Variants in COL11A1 observed in about 807,000 individuals in gnomAD.
COL11A1 encodes the protein collagen type XI alpha 1 chain.
COL11A1 carries 74 observed loss-of-function variants against 265.2 expected under a neutral mutation model. The observed-to-expected ratio is 0.28, with a 90% confidence interval of 0.23 to 0.34. The LOEUF is 0.34. Ranked by LOEUF, COL11A1 falls within the 10% of genes least tolerant of loss-of-function variation. COL11A1 has a pLI of 1.00. For synonymous variants in COL11A1, 816 were observed against 727.6 expected, an observed-to-expected ratio of 1.12 and a Z score of -1.96; for missense variants, 2,165 against 2,263.6, an observed-to-expected ratio of 0.96 and a Z score of 0.88.
Position 102,943,902 on chromosome 1 carries a change from A to G in COL11A1, c.3276+2947T>C, listed in dbSNP as rs186936500. ...TCTGTAATCTTTGCATCCAGTAACT[A>G]ATAGTTTTCATTAGAATCAGTTTCC... On this transcript the variant is annotated intron_variant, in intron 42 of 66. Coordinates refer to ENST00000370096, the MANE Select transcript of COL11A1 (RefSeq NM_001854.4). Among the ~76,000 whole-genome samples, 8 of 152,240 alleles carry G rather than the reference A, an allele frequency of 5.3e-5. No homozygotes were observed. In the East Asian group the frequency reaches 1.2e-3, roughly 22 times the overall value.
intron 1 of COL11A1, among the ~76,000 whole-genome samples, chr1:103,088,881 A>G (rs973593208): frequency 2.6e-5 from 4 of 151,934 alleles, no homozygotes; most frequent in African/African-American, 7.2e-5. Flanking sequence ...TGGATGCACC[A>G]TGGCTGCTGA....
chr1:102,913,496 C>G, intron 53 of COL11A1, 141 bp downstream of exon 53: 1 of 723,066 alleles, frequency 1.4e-6, no homozygotes, highest in East Asian at 2.7e-5. Flanking sequence ...AATGGGAATT[C>G]AAAAATTTTT....
At chr1:103,091,630 T>C (rs1205933220) in intron 1 of COL11A1, among the ~76,000 whole-genome samples, 2 of 152,082 alleles carry the variant, frequency 1.3e-5, no homozygotes, top group Non-Finnish European at 2.9e-5. Flanking sequence ...TATTTAGAGT[T>C]CAATTTTCCC....
At chr1:103,081,344 TC>T (rs1242069856) in intron 2 of COL11A1, among the ~76,000 whole-genome samples, 1 of 151,864 alleles carries the variant, frequency 6.6e-6, no homozygotes, top group African/African-American at 2.4e-5. Context: ...AAAATTCCCA[TC>T]CCTTTTTCTA....
At chr1:102,922,621 G>T (rs141446766) in intron 47 of COL11A1, among the ~76,000 whole-genome samples, 1 of 152,048 alleles carries the variant, frequency 6.6e-6, no homozygotes, top group Non-Finnish European at 1.5e-5. Context: ...GGATGGTCTC[G>T]ATCTCCTGAC....
At chr1:103,062,484 C>A in intron 4 of COL11A1, among the ~76,000 whole-genome samples, 1 of 151,836 alleles carries the variant, frequency 6.6e-6, no homozygotes, top group Non-Finnish European at 1.5e-5. Context: ...ATGCCATAGT[C>A]AAGTGGAATT....
intron 4 of COL11A1, among the ~76,000 whole-genome samples, chr1:103,048,949 C>G (rs1481144440): frequency 6.6e-6 from 1 of 152,170 alleles, no homozygotes; most frequent in Admixed American, 6.5e-5. Context: ...TTTGATTGCA[C>G]TGTGGTCTGA....
chr1:102,989,252 A>C (rs192814292), intron 29 of COL11A1, among the ~76,000 whole-genome samples: 31 of 149,470 alleles, frequency 2.1e-4, no homozygotes, highest in Admixed American at 1.8e-3. Flanking sequence ...GTGTGTGTGC[A>C]TGTGTGTGTG....
chr1:103,003,088 C>G lies in COL11A1; in HGVS notation c.1998+127G>C, dbSNP rs539377650. 2.2e-4 allele frequency: 211 copies of G among 943,624 alleles called. 3 individuals are homozygous for G. Among genetic ancestry groups the G allele is most frequent in the Middle Eastern group, 1.7e-3 (8 of 4,746 alleles). 58.5% of individuals were successfully genotyped at this position (943,624 alleles called of 1,614,324 possible). ...AATGATGAGTTAAAGTGAAAGGCAG[C>G]AACAATAGATCTTCAAACATAACAA... is the stretch of plus-strand genomic sequence containing the variant. On this transcript the variant is annotated intron_variant, in intron 21 of 66. Transcript: ENST00000370096.
intron 62 of COL11A1, among the ~76,000 whole-genome samples, chr1:102,887,924 G>A (rs193184746): frequency 6.6e-6 from 1 of 152,220 alleles, no homozygotes; most frequent in Non-Finnish European, 1.5e-5. Context: ...GACCTCAGAA[G>A]GAACCAACAC....
chr1:103,006,525 C>CTTTTTTT (rs1557935689), intron 15 of COL11A1, among the ~76,000 whole-genome samples: 1 of 76,206 alleles, frequency 1.3e-5, no homozygotes, highest in Non-Finnish European at 3.0e-5. Flanking sequence ...TAAATGGCTC[C>CTTTTTTT]ATTTTTTTTT....
intron 9 of COL11A1, among the ~76,000 whole-genome samples, chr1:103,020,435 T>C (rs1557954858): frequency 8.3e-6 from 1 of 121,152 alleles, no homozygotes; most frequent in Non-Finnish European, 1.7e-5. Context: ...TTGATGGGGT[T>C]GTTTGTTTTT....
In COL11A1 at chr1:102,879,881, A is replaced by G; in HGVS notation, c.5076T>C (p.Asn1692=). 1.2e-6 allele frequency: 2 copies of G among 1,613,670 alleles called. No homozygotes were observed. The highest frequency in any genetic ancestry group is 1.7e-6 in the Non-Finnish European group (2 of 1,179,684). ...GTTTCAGGAATGTCATTTGCACCAT[A>G]TTGATGGAATTTCCTTCAACATCTA... ...SYLDVEGNSI[N]MVQMTFLKLL... is the part of the protein sequence containing the mutation. Residue 1692 remains asparagine, a synonymous_variant, in exon 66 of 67, where the codon AAT becomes AAC. Transcript: ENST00000370096.
chr1:103,006,021 A>G, intron 17 of COL11A1, 47 bp downstream of exon 17: 1 of 1,612,008 alleles, frequency 6.2e-7, no homozygotes, highest in Non-Finnish European at 8.5e-7. Context: ...AATTTTCCAG[A>G]GTGAACTGAC....
chr1:103,064,818 C>CA (rs1195641125), intron 4 of COL11A1, among the ~76,000 whole-genome samples: 3 of 145,260 alleles, frequency 2.1e-5, no homozygotes, highest in Admixed American at 6.8e-5. Flanking sequence ...CTGGAAAAGT[C>CA]AAAATTATAG....
Position 103,082,820 on chromosome 1 carries a change from T to C in COL11A1, c.259A>G (p.Lys87Glu). ...SKQAQLSAPT[K>E]QLFPGGTFPE... is the part of the protein sequence containing the mutation. ...GTGAATATACCTGGAAATAACTGTT[T>C]TGTTGGGGCACTGAGTTGTGCTTGC... Residue 87 changes from lysine to glutamate, a missense_variant, in exon 2 of 67, where the codon AAA becomes GAA. Lys to Glu is a moderately conservative substitution (Grantham distance 56). Coordinates refer to ENST00000370096, the MANE Select transcript of COL11A1 (RefSeq NM_001854.4). The C allele has an allele frequency of 6.2e-7, 1 of 1,613,176 alleles. No homozygotes were observed. Among genetic ancestry groups the C allele is most frequent in the Non-Finnish European group, 8.5e-7 (1 of 1,179,372 alleles).
rs181897241 is a variant in COL11A1, at chr1:102,906,839, G to A, written c.4086+5320C>T. ...AATGGTGCAAGCATTAATTGCTAGT[G>A]TTAAATCAGAACAAATCATAGTTTT... On this transcript the variant is annotated intron_variant, in intron 54 of 66. Transcript: ENST00000370096. Among the ~76,000 whole-genome samples, 1,244 of 152,050 alleles carry A rather than the reference G, an allele frequency of 8.2e-3. 19 individuals carry two copies. Among genetic ancestry groups the A allele is most frequent in the African/African-American group, 0.028 (1,172 of 41,458 alleles).
chr1:102,918,430 A>G (rs2101054834), intron 49 of COL11A1, among the ~76,000 whole-genome samples: 1 of 152,118 alleles, frequency 6.6e-6, no homozygotes, highest in African/African-American at 2.4e-5. Flanking sequence ...AATGTGACTA[A>G]AAGATACTGG....
intron 57 of COL11A1, among the ~76,000 whole-genome samples, chr1:102,894,201 T>C (rs961390670): frequency 6.6e-6 from 1 of 152,198 alleles, no homozygotes; most frequent in Admixed American, 6.5e-5. Context: ...TGACTTTGTA[T>C]CAGAGGGTAG....
Sources: allele counts gnomAD v4.1 joint callset (sites outside exome capture counted in the v4.1 genomes callset), GRCh38; gene constraint gnomAD v4.1.1; transcripts MANE v1.5; gene names NCBI Gene and HGNC (gene_info 2026-07-23, HGNC 2026-07-21).